Variants in EPHA5 observed in about 807,000 individuals in gnomAD.
EPHA5 encodes the protein EPH receptor A5.
A neutral mutation model predicts 105.0 loss-of-function variants in EPHA5; 60 were observed. That is an observed-to-expected ratio of 0.57 (90% CI 0.46 to 0.71). EPHA5 has a LOEUF of 0.71. Ranked by LOEUF, EPHA5 falls within the 30% of genes least tolerant of loss-of-function variation. EPHA5 has a pLI of 0.00. For missense variants in EPHA5, 1,218 were observed against 1,274.7 expected (o/e 0.96, Z 0.68); for synonymous variants, 513 against 449.1 (o/e 1.14, Z -1.80).
intron 5 of EPHA5, among the ~76,000 whole-genome samples, chr4:65,464,045 T>A (rs1311746256): frequency 1.3e-5 from 2 of 151,056 alleles, no homozygotes; most frequent in Non-Finnish European, 3.0e-5. Context: ...CAAGAGGAAA[T>A]TTTTTTTTGG....
At chr4:65,449,515 G>A (rs1454678495) in intron 5 of EPHA5, among the ~76,000 whole-genome samples, 2 of 152,104 alleles carry the variant, frequency 1.3e-5, no homozygotes, top group Non-Finnish European at 1.5e-5. Flanking sequence ...ACAAGAAGTT[G>A]ACAATATCAA....
chr4:65,394,872 C>G (rs778182889), intron 8 of EPHA5, among the ~76,000 whole-genome samples: 1 of 151,972 alleles, frequency 6.6e-6, no homozygotes, highest in Non-Finnish European at 1.5e-5. Flanking sequence ...TACCATGTTA[C>G]TTCCATTAGG....
At chr4:65,426,588 C>A (rs7659865) in intron 5 of EPHA5, among the ~76,000 whole-genome samples, 60,127 of 152,018 alleles carry the variant, frequency 0.4, 13,909 homozygotes, top group Non-Finnish European at 0.52. Flanking sequence ...TTGAAAATTC[C>A]TGGAGCATAG....
chr4:65,477,021 A>G (rs924780203), intron 5 of EPHA5, among the ~76,000 whole-genome samples: 1 of 152,206 alleles, frequency 6.6e-6, no homozygotes, highest in African/African-American at 2.4e-5. Flanking sequence ...AGAACAGGAA[A>G]ACCATTGAAC....
intron 5 of EPHA5, among the ~76,000 whole-genome samples, chr4:65,426,860 C>A (rs1007551280): frequency 3.9e-5 from 6 of 151,988 alleles, no homozygotes; most frequent in Admixed American, 1.3e-4. Flanking sequence ...TTTGGCACAG[C>A]ACAATATAGG....
rs139924681 is a variant in EPHA5 at position 65,490,306 on chromosome 4, G to C, written c.1402+71C>G. ...TTCTCACACAGATTTCAGTCAACTTGGCCGTCAGCTATGGAAATAATTGAC... is the reference window on the plus strand; with the variant it reads ...TTCTCACACAGATTTCAGTCAACTTCGCCGTCAGCTATGGAAATAATTGAC... On this transcript the variant is annotated intron_variant, in intron 5 of 16. Transcript: ENST00000613740. 175 of 1,415,190 alleles carry C rather than the reference G, an allele frequency of 1.2e-4. 1 individual carries two copies. In the African/African-American group the frequency reaches 2.1e-3, roughly 17 times the overall value. The allele number at this position is 1,415,190 out of a possible 1,614,324, so 87.7% of individuals were successfully genotyped here.
In EPHA5 at chr4:65,321,117, T is replaced by C. The variant is rs1323209649; in HGVS notation, c.*2997A>G. The C allele has an allele frequency of 4.3e-6, 1 of 230,686 alleles. No individual in the cohort carries two copies. Among genetic ancestry groups the C allele is most frequent in the Admixed American group, 5.7e-5 (1 of 17,598 alleles). The allele number at this position is 230,686 out of a possible 1,614,324, so 14.3% of individuals were successfully genotyped here. On this transcript the variant is annotated 3_prime_UTR_variant, in exon 17 of 17. Coordinates refer to ENST00000613740, the MANE Select transcript of EPHA5 (RefSeq NM_001281766.3). Reference sequence around the variant, plus strand: ...GTAATTGAGTGACTTCAAGTATCAGTCTGTTGAAAATTACTCCCTGTACCA... The same window carrying C: ...GTAATTGAGTGACTTCAAGTATCAGCCTGTTGAAAATTACTCCCTGTACCA...
At chr4:65,465,335 A>G (rs985058414) in intron 5 of EPHA5, among the ~76,000 whole-genome samples, 1 of 151,774 alleles carries the variant, frequency 6.6e-6, no homozygotes, top group African/African-American at 2.4e-5. Flanking sequence ...ACTAGGTAGG[A>G]GAATCGCTTG....
rs536826363 is a variant in EPHA5 at position 65,607,491 on chromosome 4, C to A, written c.247-5187G>T. 7.9e-5 allele frequency among the ~76,000 whole-genome samples: 12 copies of A among 151,708 alleles called. No homozygotes were observed. In the South Asian group the frequency reaches 2.3e-3, roughly 29 times the overall value. ...ATACAAAAACAAACAAACAAACAAA[C>A]AAAAAAAAAAACATCAAAAAGTGGG... On this transcript the variant is annotated intron_variant, in intron 2 of 16. Transcript: ENST00000613740.
At chr4:65,451,450 G>A (rs1457724671) in intron 5 of EPHA5, among the ~76,000 whole-genome samples, 1 of 152,010 alleles carries the variant, frequency 6.6e-6, no homozygotes, top group African/African-American at 2.4e-5. Flanking sequence ...TAGGCTGTAG[G>A]TATATAGGTT....
chr4:65,572,852 G>A (rs559442506), intron 3 of EPHA5, among the ~76,000 whole-genome samples: 68 of 151,254 alleles, frequency 4.5e-4, no homozygotes, highest in African/African-American at 1.6e-3. Flanking sequence ...CCAACATAGC[G>A]AAACCCCGTC....
At chr4:65,641,832 A>G (rs1747695843) in intron 2 of EPHA5, among the ~76,000 whole-genome samples, 2 of 152,116 alleles carry the variant, frequency 1.3e-5, no homozygotes, top group Admixed American at 1.3e-4. Context: ...CACTATATTA[A>G]CAATAATAAT....
At chr4:65,471,180 T>G (rs1729250112) in intron 5 of EPHA5, among the ~76,000 whole-genome samples, 1 of 152,184 alleles carries the variant, frequency 6.6e-6, no homozygotes, top group Non-Finnish European at 1.5e-5. Flanking sequence ...TCCTTTAAAT[T>G]TAATTTGGAT....
intron 8 of EPHA5, among the ~76,000 whole-genome samples, chr4:65,393,769 T>A (rs1230376332): frequency 6.6e-6 from 1 of 152,212 alleles, no homozygotes; most frequent in Non-Finnish European, 1.5e-5. Context: ...TAAGCCACTC[T>A]AAATTATGCC....
chr4:65,440,156 G>A (rs1363787939), intron 5 of EPHA5, among the ~76,000 whole-genome samples: 1 of 151,836 alleles, frequency 6.6e-6, no homozygotes, highest in Non-Finnish European at 1.5e-5. Context: ...ATTTGAAAAT[G>A]TTATTTCTAA....
chr4:65,391,303 C>A (rs1720694290), intron 8 of EPHA5, among the ~76,000 whole-genome samples: 1 of 152,042 alleles, frequency 6.6e-6, no homozygotes, highest in Non-Finnish European at 1.5e-5. Flanking sequence ...CAGCCATCAG[C>A]AGTATACAAA....
intron 3 of EPHA5, among the ~76,000 whole-genome samples, chr4:65,578,905 T>A (rs1212977105): frequency 6.6e-6 from 1 of 152,000 alleles, no homozygotes; most frequent in Non-Finnish European, 1.5e-5. Context: ...TGGTGTAAAA[T>A]GCTAAAGACC....
intron 8 of EPHA5, among the ~76,000 whole-genome samples, chr4:65,399,470 A>G (rs1171004073): frequency 6.6e-6 from 1 of 152,222 alleles, no homozygotes; most frequent in African/African-American, 2.4e-5. Context: ...AAACTCAGGC[A>G]AAGGTGCCCC....
At chr4:65,490,953 T>C (rs965541406) in intron 4 of EPHA5, among the ~76,000 whole-genome samples, 56 of 152,168 alleles carry the variant, frequency 3.7e-4, no homozygotes, top group Non-Finnish European at 1.6e-4. Context: ...TTTTGCTTCA[T>C]GTATATGTAA....
Sources: gnomAD v4.1 joint callset for allele counts (sites outside exome capture counted in the v4.1 genomes callset) on GRCh38, gnomAD v4.1.1 for gene constraint, MANE v1.5 for transcripts, NCBI Gene and HGNC (gene_info 2026-07-23, HGNC 2026-07-21) for gene names.